Variants in HNF1B observed in about 807,000 individuals in gnomAD.
HNF1B encodes HNF1 homeobox B, also known as hepatocyte nuclear factor 1-beta.
In HNF1B, 8 loss-of-function variants were observed where a neutral mutation model predicts 61.7. The observed-to-expected ratio is 0.13, with a 90% CI of 0.08 to 0.23. The LOEUF (loss-of-function observed/expected upper bound fraction) is 0.23. Ranked by LOEUF, HNF1B falls within the 10% of genes least tolerant of loss-of-function variation. The probability of loss-of-function intolerance (pLI) is 1.00; values close to 1 mark genes in which losing one functional copy is unlikely to be tolerated. For missense variants in HNF1B, 562 were observed against 714.5 expected, an observed-to-expected ratio of 0.79 and a Z score of 2.43; for synonymous variants, 314 against 287.7, an observed-to-expected ratio of 1.09 and a Z score of -0.93.
In HNF1B at chr17:37,710,646, G is replaced by T. The variant is rs1449365696; in HGVS notation, c.1063C>A (p.Gln355Lys). ...NKLSGVRYSQ[Q>K]GNNEITSSST... ...GAGGAAGTGATCTCATTGTTTCCCT[G>T]CTGGCTGTAGCGCACTCCTGCAAAA... Residue 355 changes from glutamine to lysine, a missense_variant, in exon 5 of 9, where the codon CAG becomes AAG. Gln to Lys is a moderately conservative substitution (Grantham distance 53). Coordinates refer to ENST00000617811, the MANE Select transcript of HNF1B (RefSeq NM_000458.4). 6.2e-7 allele frequency: 1 copy of T among 1,613,864 alleles called. No homozygotes were observed. Among genetic ancestry groups the T allele is most frequent in the South Asian group, 1.1e-5 (1 of 91,044 alleles).
At chr17:37,731,460 T>G (rs1013905610) in intron 4 of HNF1B, 135 bp downstream of exon 4, 3 of 757,438 alleles carry the variant, frequency 4.0e-6, no homozygotes, top group Non-Finnish European at 7.0e-6. Flanking sequence ...GGGAGTATAT[T>G]CTGGCAATGA....
intron 3 of HNF1B, among the ~76,000 whole-genome samples, chr17:37,733,254 T>C (rs1185102614): frequency 6.6e-6 from 1 of 152,198 alleles, no homozygotes; most frequent in African/African-American, 2.4e-5. Context: ...GGGTTGTTTG[T>C]ACTCTACCGA....
chr17:37,733,881 GA>G (rs2033761742), intron 2 of HNF1B, 60 bp from the exon 3 acceptor site: 1 of 1,572,936 alleles, frequency 6.4e-7, no homozygotes, highest in African/African-American at 1.3e-5. Flanking sequence ...CAGACAGACA[GA>G]CAGACAGACA....
At chr17:37,737,539 AAAT>A (rs1235993232) in intron 2 of HNF1B, among the ~76,000 whole-genome samples, 5 of 152,150 alleles carry the variant, frequency 3.3e-5, no homozygotes, top group Non-Finnish European at 7.3e-5. Flanking sequence ...TTTAAAACAA[AAAT>A]AACAACTGGG....
chr17:37,704,284 C>T (rs563333461), intron 6 of HNF1B, among the ~76,000 whole-genome samples: 2 of 152,322 alleles, frequency 1.3e-5, no homozygotes, highest in Non-Finnish European at 2.9e-5. Context: ...GATCCATCTC[C>T]GTGTCTTCAG....
chr17:37,721,719 C>CT (rs200443525), intron 4 of HNF1B, among the ~76,000 whole-genome samples: 18,010 of 144,354 alleles, frequency 0.12, 1,300 homozygotes, highest in Non-Finnish European at 0.17. Context: ...ATCTCTCTCT[C>CT]TTTTTTTTTT....
chr17:37,740,146 T>C (rs1272662606), intron 1 of HNF1B, among the ~76,000 whole-genome samples: 3 of 152,012 alleles, frequency 2.0e-5, no homozygotes, highest in Non-Finnish European at 4.4e-5. Flanking sequence ...ATTTTTTATT[T>C]TTAGTAGAGA....
At chr17:37,743,130 C>T (rs1239354245) in intron 1 of HNF1B, among the ~76,000 whole-genome samples, 1 of 152,226 alleles carries the variant, frequency 6.6e-6, no homozygotes, top group Non-Finnish European at 1.5e-5. Context: ...CTTCCAGCGC[C>T]GCGCTAGAAA....
chr17:37,708,613 C>T (rs1350167607), intron 5 of HNF1B, among the ~76,000 whole-genome samples: 2 of 152,190 alleles, frequency 1.3e-5, no homozygotes, highest in Non-Finnish European at 2.9e-5. Flanking sequence ...CACCCTTCTC[C>T]ATGGAAGCCT....
chr17:37,721,780 G>A (rs1020481657), intron 4 of HNF1B, among the ~76,000 whole-genome samples: 2 of 150,242 alleles, frequency 1.3e-5, no homozygotes, highest in African/African-American at 2.5e-5. Context: ...CTGCAGTGGC[G>A]CCAATGGGCA....
In HNF1B at chr17:37,687,201, C is replaced by T; in HGVS notation, c.*171G>A. 9.6e-7 allele frequency: 1 copy of T among 1,038,554 alleles called. No individual in the cohort carries two copies. The highest frequency in any genetic ancestry group is 1.5e-6 in the Non-Finnish European group (1 of 685,616). 64.3% of individuals were successfully genotyped at this position (1,038,554 alleles called of 1,614,324 possible). A position where few individuals can be genotyped will look rare whatever the true frequency, so the allele number is the denominator to read the frequency against. ...AAGGGAAACTGGGCTTCGGGCTGCGCCTCCTGAGAGTGGATTGTCTGAGGT... is the reference window on the plus strand; with the variant it reads ...AAGGGAAACTGGGCTTCGGGCTGCGTCTCCTGAGAGTGGATTGTCTGAGGT... On this transcript the variant is annotated 3_prime_UTR_variant, in exon 9 of 9. Transcript: ENST00000617811.
At chr17:37,694,325 ACT>A (rs2032301727) in intron 8 of HNF1B, among the ~76,000 whole-genome samples, 1 of 150,116 alleles carries the variant, frequency 6.7e-6, no homozygotes, top group South Asian at 2.1e-4. Flanking sequence ...GCTACTCAGG[ACT>A]CTGAGGCAGA....
chr17:37,732,749 G>T (rs144129589), intron 3 of HNF1B, among the ~76,000 whole-genome samples: 8 of 152,280 alleles, frequency 5.3e-5, no homozygotes, highest in Middle Eastern at 3.4e-3. Flanking sequence ...AAGGCAGGAG[G>T]ATCGCTTAAG....
chr17:37,739,946 T>A (rs573059912), intron 1 of HNF1B, among the ~76,000 whole-genome samples: 5 of 151,904 alleles, frequency 3.3e-5, no homozygotes, highest in Middle Eastern at 3.4e-3. Context: ...TCTTGTTTTA[T>A]TTAATTAATT....
intron 8 of HNF1B, among the ~76,000 whole-genome samples, chr17:37,690,178 T>G (rs1428039857): frequency 1.3e-5 from 2 of 151,826 alleles, no homozygotes; most frequent in Non-Finnish European, 2.9e-5. Context: ...CTGAATGAAG[T>G]GAAGGGGCAA....
intron 6 of HNF1B, among the ~76,000 whole-genome samples, chr17:37,703,802 C>G (rs1194643195): frequency 1.3e-5 from 2 of 152,154 alleles, no homozygotes; most frequent in East Asian, 3.9e-4. Flanking sequence ...TTGTGTGCCT[C>G]CAATGGGCTT....
chr17:37,687,249 A>T lies in HNF1B; in HGVS notation c.*123T>A. The T allele has an allele frequency of 6.6e-7, 1 of 1,520,914 alleles. No individual in the cohort carries two copies. The highest frequency in any genetic ancestry group is 9.1e-7 in the Non-Finnish European group (1 of 1,099,706). 94.2% of individuals were successfully genotyped at this position (1,520,914 alleles called of 1,614,324 possible). ...GGTGCCAGCAGGACGTCCGTCAGGTAAGCAGGGACCTCTCGCAGGTGCTGG... is the reference window on the plus strand; with the variant it reads ...GGTGCCAGCAGGACGTCCGTCAGGTTAGCAGGGACCTCTCGCAGGTGCTGG... On this transcript the variant is annotated 3_prime_UTR_variant, in exon 9 of 9. Transcript: ENST00000617811.
At chr17:37,732,199 C>T (rs748508995) in intron 3 of HNF1B, among the ~76,000 whole-genome samples, 4 of 152,188 alleles carry the variant, frequency 2.6e-5, no homozygotes, top group Non-Finnish European at 5.9e-5. Flanking sequence ...CAAAGCCCTT[C>T]GCTGGCTCTG....
At chr17:37,738,426 A>T (rs2033897068) in intron 2 of HNF1B, among the ~76,000 whole-genome samples, 1 of 152,256 alleles carries the variant, frequency 6.6e-6, no homozygotes, top group Non-Finnish European at 1.5e-5. Context: ...AGTCATTTTA[A>T]AAAGCAACAG....
Sources: allele counts gnomAD v4.1 joint callset (sites outside exome capture counted in the v4.1 genomes callset), GRCh38; gene constraint gnomAD v4.1.1; transcripts MANE v1.5; gene names NCBI Gene and HGNC (gene_info 2026-07-23, HGNC 2026-07-21).